The following SYT14 variants were observed in gnomAD, a reference collection of about 807,000 sequenced individuals.
SYT14 encodes the protein synaptotagmin 14.
Under a neutral mutation model 74.2 loss-of-function variants are expected in SYT14, and 32 were observed. The observed-to-expected ratio is 0.43, with a 90% CI of 0.33 to 0.58. SYT14 has a LOEUF of 0.58. Among genes scored for constraint, SYT14 ranks in the 20% least tolerant of loss-of-function variants. The probability of loss-of-function intolerance (pLI) is 0.05; values close to 1 mark genes in which losing one functional copy is unlikely to be tolerated. For missense variants in SYT14, 791 were observed against 981.8 expected (o/e 0.81, Z 2.60); for synonymous variants, 298 against 337.7 (o/e 0.88, Z 1.29).
chr1:210,091,550 C>T (rs2081867951), intron 5 of SYT14, among the ~76,000 whole-genome samples: 1 of 152,062 alleles, frequency 6.6e-6, no homozygotes, highest in African/African-American at 2.4e-5. Flanking sequence ...ATTAGCCAGG[C>T]ATGGTGGCTC....
At chr1:210,028,960 A>T (rs2080471212) in intron 5 of SYT14, among the ~76,000 whole-genome samples, 1 of 152,218 alleles carries the variant, frequency 6.6e-6, no homozygotes, top group Admixed American at 6.6e-5. Context: ...CCAAAATAAT[A>T]GCCATTCTAA....
chr1:209,956,852 GTTGTTTTGTT>G (rs552370421), intron 2 of SYT14, among the ~76,000 whole-genome samples: 3 of 152,166 alleles, frequency 2.0e-5, no homozygotes, highest in Middle Eastern at 3.4e-3. Flanking sequence ...ATGTAATAGG[GTTGTTTTGTT>G]TTGTTTTGTT....
At chr1:209,974,922 C>G (rs1204703112) in intron 2 of SYT14, among the ~76,000 whole-genome samples, 1 of 152,040 alleles carries the variant, frequency 6.6e-6, no homozygotes, top group Non-Finnish European at 1.5e-5. Flanking sequence ...TGAAGAGGTC[C>G]TTCATGTCCC....
chr1:209,982,110 G>A (rs192474457), intron 2 of SYT14, among the ~76,000 whole-genome samples: 12 of 151,936 alleles, frequency 7.9e-5, no homozygotes, highest in Admixed American at 2.0e-4. Context: ...CATAGGTTTG[G>A]TTACTTTACA....
intron 2 of SYT14, among the ~76,000 whole-genome samples, chr1:209,970,675 T>A (rs1218398528): frequency 5.2e-4 from 17 of 32,964 alleles, no homozygotes; most frequent in African/African-American, 1.4e-3. Context: ...TTTTTTTTTT[T>A]TTTTTTTTTT....
In SYT14 at chr1:210,077,157, G is replaced by A. The variant is rs528851972; in HGVS notation, c.1313-17165G>A. Among the ~76,000 whole-genome samples, 3 of 152,252 alleles carry A rather than the reference G, an allele frequency of 2.0e-5. No individual in the cohort carries two copies. In the South Asian group the frequency reaches 6.2e-4, roughly 32 times the overall value. On this transcript the variant is annotated intron_variant, in intron 5 of 9. Transcript: ENST00000637265. ...ATGCCAGCATCTTCTCGGCTTCTGG[G>A]GAGGCTTCAGGGAGCTTTTACCCAT...
chr1:210,109,333 A>G (rs2082216756), intron 7 of SYT14, among the ~76,000 whole-genome samples: 1 of 152,134 alleles, frequency 6.6e-6, no homozygotes, highest in South Asian at 2.1e-4. Context: ...TAATCCTAGC[A>G]CTATGGGAGG....
At chr1:209,991,115 AT>A (rs2079677636) in intron 2 of SYT14, among the ~76,000 whole-genome samples, 1 of 152,190 alleles carries the variant, frequency 6.6e-6, no homozygotes, top group Non-Finnish European at 1.5e-5. Context: ...CTCTCACCAC[AT>A]ACAAAAAATA....
exon 10 of SYT14, chr1:210,163,195 A>G (rs1416864060): frequency 2.2e-6 from 1 of 453,662 alleles, no homozygotes; most frequent in Non-Finnish European, 4.4e-6. Context: ...ACACATTAGT[A>G]AGACCAGCTT....
intron 7 of SYT14, among the ~76,000 whole-genome samples, chr1:210,143,793 ATAT>A (rs2082971106): frequency 6.6e-6 from 1 of 152,158 alleles, no homozygotes; most frequent in African/African-American, 2.4e-5. Context: ...TTCAAATGAA[ATAT>A]TATTTATAAC....
chr1:210,120,359 T>C lies in SYT14; in HGVS notation c.2034+19898T>C, dbSNP rs562699777. Among the ~76,000 whole-genome samples, 4 of 142,882 alleles carry C rather than the reference T, an allele frequency of 2.8e-5. No individual in the cohort carries two copies. In the East Asian group the frequency reaches 8.6e-4, roughly 31 times the overall value. 93.7% of individuals were successfully genotyped at this position (142,882 alleles called of 152,430 possible). A position where few individuals can be genotyped will look rare whatever the true frequency, so the allele number is the denominator to read the frequency against. On this transcript the variant is annotated intron_variant, in intron 7 of 9. Coordinates refer to ENST00000637265, the Ensembl canonical transcript of SYT14. ...ATTACCGTAAATTTTTTTTGGTGTT[T>C]TTGCTGTTTTTTTTTTTTTTGTTTG... is the stretch of plus-strand genomic sequence containing the variant.
chr1:209,977,299 C>G (rs1015079990), intron 2 of SYT14, among the ~76,000 whole-genome samples: 3 of 152,110 alleles, frequency 2.0e-5, no homozygotes, highest in African/African-American at 4.8e-5. Context: ...TTCTTCCTAG[C>G]TTTGATGTCT....
chr1:209,938,389 A>T (rs1411765000), intron 1 of SYT14, 112 bp downstream of exon 1: 1 of 1,073,642 alleles, frequency 9.3e-7, no homozygotes, highest in Non-Finnish European at 1.3e-6. Context: ...TGTGGTCTGG[A>T]GCCGGCTGAA....
chr1:210,137,366 C>G, intron 7 of SYT14, among the ~76,000 whole-genome samples: 1 of 152,052 alleles, frequency 6.6e-6, no homozygotes, highest in East Asian at 1.9e-4. Context: ...CCTCACTACT[C>G]TTGTGAATTA....
At chr1:209,955,365 G>A (rs2078976926) in intron 2 of SYT14, among the ~76,000 whole-genome samples, 1 of 152,110 alleles carries the variant, frequency 6.6e-6, no homozygotes, top group African/African-American at 2.4e-5. Context: ...AAATAGCACT[G>A]TCTACCCAGT....
chr1:210,069,800 T>G (rs1203800254), intron 5 of SYT14, among the ~76,000 whole-genome samples: 1 of 152,014 alleles, frequency 6.6e-6, no homozygotes, highest in Non-Finnish European at 1.5e-5. Flanking sequence ...CTATGCTTTT[T>G]TTTCTCTCTG....
chr1:210,163,235 C>G (rs1558234419), exon 10 of SYT14: 4 of 439,412 alleles, frequency 9.1e-6, no homozygotes, highest in East Asian at 7.1e-5. Context: ...AGAAAAAGAC[C>G]TAACTAATTG....
intron 2 of SYT14, among the ~76,000 whole-genome samples, chr1:209,975,419 T>G (rs1011665111): frequency 3.9e-5 from 6 of 152,244 alleles, no homozygotes; most frequent in South Asian, 2.1e-4. Flanking sequence ...AGCATGAAGC[T>G]TTGTTGAATT....
At chr1:210,060,109 G>A (rs1334269263) in intron 5 of SYT14, among the ~76,000 whole-genome samples, 1 of 152,134 alleles carries the variant, frequency 6.6e-6, no homozygotes, top group African/African-American at 2.4e-5. Flanking sequence ...TAACTTAGAC[G>A]TAGTTAGAGC....
Sources: allele counts gnomAD v4.1 joint callset (sites outside exome capture counted in the v4.1 genomes callset), GRCh38; gene constraint gnomAD v4.1.1; transcripts MANE v1.5; gene names NCBI Gene and HGNC (gene_info 2026-07-23, HGNC 2026-07-21).